Variants in MARCHF1 observed in about 807,000 individuals in gnomAD.
The protein encoded by MARCHF1 is E3 ubiquitin-protein ligase MARCHF1.
A neutral mutation model predicts 54.2 loss-of-function variants in MARCHF1; 40 were observed. The ratio of observed to expected loss-of-function variants is 0.74; its 90% CI spans 0.57 to 0.96. The LOEUF (loss-of-function observed/expected upper bound fraction) is 0.96, where lower values mean the gene tolerates loss of function less well. MARCHF1 is among the 40% of genes least tolerant of loss of function. The pLI, the probability that MARCHF1 is intolerant of heterozygous loss-of-function variation, is 0.00. For missense variants in MARCHF1, 586 were observed against 656.5 expected, an observed-to-expected ratio of 0.89 and a Z score of 1.17; for synonymous variants, 236 against 236.3, an observed-to-expected ratio of 1.00 and a Z score of 0.01.
In MARCHF1 at chr4:163,978,513, A is replaced by G. The variant is rs114460521; in HGVS notation, c.-39+9988T>C. On this transcript the variant is annotated intron_variant, in intron 3 of 9. Coordinates refer to ENST00000514618, the MANE Select transcript of MARCHF1 (RefSeq NM_001394959.1). ...TTATGAGGTAGTTCTCATACTTGTC[A>G]TTATTTTATATATGAGGAAACTGAG... 4.4e-3 allele frequency among the ~76,000 whole-genome samples: 668 copies of G among 152,232 alleles called. 6 individuals carry two copies. The highest frequency in any genetic ancestry group is 0.015 in the African/African-American group (627 of 41,558).
intron 4 of MARCHF1, among the ~76,000 whole-genome samples, chr4:163,827,049 T>C (rs1579318154): frequency 2.0e-5 from 3 of 151,714 alleles, no homozygotes; most frequent in South Asian, 4.2e-4. Flanking sequence ...TATGAACTTA[T>C]GTTAACCTTT....
At chr4:164,014,215 G>C (rs1335832855) in intron 2 of MARCHF1, among the ~76,000 whole-genome samples, 1 of 151,020 alleles carries the variant, frequency 6.6e-6, no homozygotes, top group Non-Finnish European at 1.5e-5. Context: ...AGTAAAGAGA[G>C]AAAGCAGAAA....
At chr4:164,308,469 C>CT (rs113888582) in intron 1 of MARCHF1, among the ~76,000 whole-genome samples, 3,627 of 151,190 alleles carry the variant, frequency 0.024, 118 homozygotes, top group African/African-American at 0.079. Context: ...GATCATTTTC[C>CT]TTTTTTTTTC....
chr4:164,257,077 G>A (rs1733308932), intron 1 of MARCHF1, among the ~76,000 whole-genome samples: 1 of 152,008 alleles, frequency 6.6e-6, no homozygotes, highest in South Asian at 2.1e-4. Flanking sequence ...AGAAGTCAAA[G>A]AGAAAGAAAA....
chr4:164,200,493 T>C (rs1731423174), intron 1 of MARCHF1, among the ~76,000 whole-genome samples: 1 of 152,220 alleles, frequency 6.6e-6, no homozygotes, highest in Non-Finnish European at 1.5e-5. Flanking sequence ...TTATTTATTT[T>C]TCAGGGTACA....
At chr4:163,726,120 T>C (rs1007053766) in intron 4 of MARCHF1, among the ~76,000 whole-genome samples, 2 of 152,206 alleles carry the variant, frequency 1.3e-5, no homozygotes, top group Non-Finnish European at 1.5e-5. Context: ...GAATGTACAC[T>C]GACACATCAT....
intron 5 of MARCHF1, among the ~76,000 whole-genome samples, chr4:163,616,532 G>T (rs1741515639): frequency 6.6e-6 from 1 of 152,104 alleles, no homozygotes; most frequent in Non-Finnish European, 1.5e-5. Context: ...TTAGAGAACT[G>T]TAAATCAAAG....
At chr4:163,861,641 A>G (rs577311654) in intron 3 of MARCHF1, among the ~76,000 whole-genome samples, 2 of 152,220 alleles carry the variant, frequency 1.3e-5, no homozygotes, top group South Asian at 2.1e-4. Context: ...TTGTTAACAT[A>G]TTAATTCTTC....
At chr4:164,035,930 T>TAAAAAAAAAAA (rs35474146) in intron 2 of MARCHF1, among the ~76,000 whole-genome samples, 5 of 116,630 alleles carry the variant, frequency 4.3e-5, no homozygotes, top group Non-Finnish European at 8.6e-5. Context: ...AAACTAAAAC[T>TAAAAAAAAAAA]AAAAAAAAAA....
intron 5 of MARCHF1, among the ~76,000 whole-genome samples, chr4:163,658,416 T>C (rs1245117462): frequency 6.6e-5 from 10 of 151,884 alleles, no homozygotes; most frequent in Non-Finnish European, 1.3e-4. Flanking sequence ...ACTGGTGAGG[T>C]TGCAGAGAAA....
intron 4 of MARCHF1, among the ~76,000 whole-genome samples, chr4:163,800,537 C>G (rs1413097916): frequency 6.6e-6 from 1 of 151,960 alleles, no homozygotes; most frequent in Non-Finnish European, 1.5e-5. Context: ...TCCCTCCCAT[C>G]TCCTCTCTGT....
intron 5 of MARCHF1, among the ~76,000 whole-genome samples, chr4:163,649,807 T>C (rs1176985085): frequency 6.6e-6 from 1 of 151,634 alleles, no homozygotes; most frequent in Non-Finnish European, 1.5e-5. Context: ...GGCTATAATC[T>C]AGTTTCCACC....
intron 1 of MARCHF1, among the ~76,000 whole-genome samples, chr4:164,237,114 G>C (rs902972748): frequency 1.3e-5 from 2 of 152,036 alleles, no homozygotes; most frequent in Non-Finnish European, 2.9e-5. Flanking sequence ...ATGTCTTTAA[G>C]TATCATTCAT....
At chr4:163,539,526 T>C (rs1738657225) in intron 9 of MARCHF1, among the ~76,000 whole-genome samples, 1 of 152,254 alleles carries the variant, frequency 6.6e-6, no homozygotes. Context: ...AGCTGTAGGT[T>C]AAGAGCGGGG....
chr4:163,809,239 AGCATAGC>A (rs1748315848), intron 4 of MARCHF1, among the ~76,000 whole-genome samples: 1 of 152,220 alleles, frequency 6.6e-6, no homozygotes, highest in Admixed American at 6.5e-5. Context: ...GTGTAAGACC[AGCATAGC>A]TATGGGTTAT....
At chr4:163,790,918 G>C (rs529710123) in intron 4 of MARCHF1, among the ~76,000 whole-genome samples, 6 of 152,190 alleles carry the variant, frequency 3.9e-5, no homozygotes, top group Non-Finnish European at 5.9e-5. Flanking sequence ...GTCAGGAAGA[G>C]TTTCTCATTA....
intron 7 of MARCHF1, among the ~76,000 whole-genome samples, chr4:163,594,872 G>A (rs1325395375): frequency 2.6e-5 from 4 of 152,102 alleles, no homozygotes; most frequent in African/African-American, 7.2e-5. Flanking sequence ...CGGTGCAGCT[G>A]CTATGGAAAA....
intron 3 of MARCHF1, among the ~76,000 whole-genome samples, chr4:163,956,181 A>C (rs1171106232): frequency 2.6e-5 from 4 of 152,140 alleles, no homozygotes; most frequent in African/African-American, 9.7e-5. Flanking sequence ...CATAATATTT[A>C]TGTAAATCTA....
At chr4:164,352,973 TA>T (rs1303761789) in intron 1 of MARCHF1, among the ~76,000 whole-genome samples, 1 of 39,516 alleles carries the variant, frequency 2.5e-5, no homozygotes, top group African/African-American at 7.7e-5. Context: ...TAGTCTCTGA[TA>T]AAACAGACTT....
Sources: gnomAD v4.1 joint callset for allele counts (sites outside exome capture counted in the v4.1 genomes callset) on GRCh38, gnomAD v4.1.1 for gene constraint, MANE v1.5 for transcripts, NCBI Gene and HGNC (gene_info 2026-07-23, HGNC 2026-07-21) for gene names.